The following CHRM2 variants were observed in gnomAD, a reference collection of about 807,000 sequenced individuals.
CHRM2 encodes muscarinic acetylcholine receptor M2.
Under a neutral mutation model 25.0 loss-of-function variants are expected in CHRM2, and 8 were observed. The ratio of observed to expected loss-of-function variants is 0.32; its 90% CI spans 0.19 to 0.58. The LOEUF (loss-of-function observed/expected upper bound fraction) is 0.58. Ranked by LOEUF, CHRM2 falls within the 20% of genes least tolerant of loss-of-function variation. CHRM2 has a pLI of 0.88. For synonymous variants in CHRM2, 202 were observed against 205.7 expected, an observed-to-expected ratio of 0.98 and a Z score of 0.15; for missense variants, 440 against 567.1, an observed-to-expected ratio of 0.78 and a Z score of 2.28.
intron 2 of CHRM2, among the ~76,000 whole-genome samples, chr7:136,954,239 T>G (rs1032627918): frequency 6.6e-6 from 1 of 152,200 alleles, no homozygotes; most frequent in Non-Finnish European, 1.5e-5. Flanking sequence ...TATATATGTG[T>G]GTATTTTTCC....
At chr7:136,988,749 C>A (rs976448583) in intron 2 of CHRM2, among the ~76,000 whole-genome samples, 2 of 152,092 alleles carry the variant, frequency 1.3e-5, no homozygotes, top group African/African-American at 4.8e-5. Context: ...CCAAGTGCAT[C>A]TAGATGGTGA....
chr7:136,873,805 A>G (rs35784011), intron 2 of CHRM2, among the ~76,000 whole-genome samples: 19,975 of 152,142 alleles, frequency 0.13, 1,453 homozygotes, highest in Non-Finnish European at 0.17. Flanking sequence ...TTTTTGTTAG[A>G]TCCTCCAAAC....
chr7:136,936,775 T>C (rs1410085282), intron 2 of CHRM2, among the ~76,000 whole-genome samples: 1 of 152,204 alleles, frequency 6.6e-6, no homozygotes, highest in African/African-American at 2.4e-5. Flanking sequence ...TTCAAATATT[T>C]TCAACATTTT....
rs1476407215 is a variant in CHRM2, at chr7:136,868,707, A to G, written c.-568A>G. On this transcript the variant is annotated 5_prime_UTR_variant, in exon 1 of 4. Coordinates refer to ENST00000680005, the MANE Select transcript of CHRM2 (RefSeq NM_001006630.2). ...TACAGACACGCTCTCCTGCTGTACT[A>G]AAGGCGCCAGGGCGCAAAGACCTAG... The G allele has an allele frequency of 1.3e-5, 2 of 152,426 alleles. No individual in the cohort carries two copies. The highest frequency in any genetic ancestry group is 1.3e-4 in the Admixed American group (2 of 15,268). The allele number at this position is 152,426 out of a possible 1,614,324, so 9.4% of individuals were successfully genotyped here. A position where few individuals can be genotyped will look rare whatever the true frequency, so the allele number is the denominator to read the frequency against.
At position 136,950,783 on chromosome 7, in the gene CHRM2, CTGTTGT is replaced by C. The variant is rs200954535; in HGVS notation, c.-124-41363_-124-41358del. Among the ~76,000 whole-genome samples the C allele has an allele frequency of 2.4e-3, 365 of 149,778 alleles. 2 individuals carry two copies. The highest frequency in any genetic ancestry group is 5.7e-3 in the African/African-American group (233 of 40,938). ...TTACAGAATAGCATGAACCCCCAACCTGTTGTTGTTGTTGTTGTTGTTGTTGTTGTT... is the reference window on the plus strand; with the variant it reads ...TTACAGAATAGCATGAACCCCCAACCTGTTGTTGTTGTTGTTGTTGTTGTT... On this transcript the variant is annotated intron_variant, in intron 2 of 3. Coordinates refer to ENST00000680005, the MANE Select transcript of CHRM2 (RefSeq NM_001006630.2).
At chr7:136,914,553 T>C (rs1160076625) in intron 2 of CHRM2, among the ~76,000 whole-genome samples, 1 of 151,824 alleles carries the variant, frequency 6.6e-6, no homozygotes, top group Non-Finnish European at 1.5e-5. Context: ...CCCTTTAAAA[T>C]AAGGCAGTAT....
At chr7:136,885,504 G>GTA (rs1796428579) in intron 2 of CHRM2, among the ~76,000 whole-genome samples, 1 of 152,144 alleles carries the variant, frequency 6.6e-6, no homozygotes, top group South Asian at 2.1e-4. Flanking sequence ...TCCCCCTGCA[G>GTA]TATTCAGTCA....
At chr7:136,984,836 C>T (rs1802738556) in intron 2 of CHRM2, among the ~76,000 whole-genome samples, 1 of 151,926 alleles carries the variant, frequency 6.6e-6, no homozygotes, top group African/African-American at 2.4e-5. Flanking sequence ...GCAGAAATCA[C>T]CTGCCTTCTG....
intron 2 of CHRM2, among the ~76,000 whole-genome samples, chr7:136,872,909 C>G (rs1795896515): frequency 6.6e-6 from 1 of 152,108 alleles, no homozygotes; most frequent in South Asian, 2.1e-4. Flanking sequence ...GTGAGCGAAC[C>G]CTTTCTATTA....
intron 2 of CHRM2, among the ~76,000 whole-genome samples, chr7:136,971,367 G>A (rs2130931077): frequency 6.6e-6 from 1 of 152,172 alleles, no homozygotes; most frequent in East Asian, 1.9e-4. Flanking sequence ...TGCAATCCCA[G>A]CACTTTGGGA....
intron 2 of CHRM2, among the ~76,000 whole-genome samples, chr7:136,876,253 AT>A (rs1796048260): frequency 6.6e-6 from 1 of 152,204 alleles, no homozygotes; most frequent in Non-Finnish European, 1.5e-5. Flanking sequence ...GAGTTAACTT[AT>A]AAAAATGCTA....
At chr7:136,898,172 T>C (rs891417160) in intron 2 of CHRM2, among the ~76,000 whole-genome samples, 5 of 152,168 alleles carry the variant, frequency 3.3e-5, no homozygotes, top group Non-Finnish European at 5.9e-5. Flanking sequence ...AAAATAGTTT[T>C]ATGTATTTCT....
rs900468681 is a variant in CHRM2, at chr7:137,017,580, T to G, written c.*1314T>G. 6.6e-6 allele frequency: 1 copy of G among 152,012 alleles called. No homozygotes were observed. The highest frequency in any genetic ancestry group is 2.4e-5 in the African/African-American group (1 of 41,434). 9.4% of individuals were successfully genotyped at this position (152,012 alleles called of 1,614,324 possible). On this transcript the variant is annotated 3_prime_UTR_variant, in exon 4 of 4. Coordinates refer to ENST00000680005, the MANE Select transcript of CHRM2 (RefSeq NM_001006630.2). ...GGGGAAAAAACGATATTTTAAAAAC[T>G]ATTACTGAAACAATTACATATTCCA...
intron 2 of CHRM2, among the ~76,000 whole-genome samples, chr7:136,884,567 A>G (rs564453508): frequency 6.6e-6 from 1 of 151,162 alleles, no homozygotes; most frequent in South Asian, 2.1e-4. Flanking sequence ...TGGTGAGTTG[A>G]GGAACTGGTG....
chr7:136,960,001 C>T (rs1447814823), intron 2 of CHRM2, among the ~76,000 whole-genome samples: 2 of 152,152 alleles, frequency 1.3e-5, no homozygotes, highest in Non-Finnish European at 2.9e-5. Flanking sequence ...TCATACAGTG[C>T]AAGTACTATC....
intron 2 of CHRM2, among the ~76,000 whole-genome samples, chr7:136,963,562 T>C (rs1192764356): frequency 2.0e-5 from 3 of 152,190 alleles, no homozygotes; most frequent in African/African-American, 7.2e-5. Context: ...AGGAAGAATA[T>C]GCTGAAATTA....
chr7:136,921,790 C>CTTTTTT (rs201063228), intron 2 of CHRM2, among the ~76,000 whole-genome samples: 1 of 113,990 alleles, frequency 8.8e-6, no homozygotes, highest in African/African-American at 2.7e-5. Flanking sequence ...TTCTTTCTTT[C>CTTTTTT]TTTCTTTTTT....
chr7:136,884,465 A>G (rs1445361237), intron 2 of CHRM2, among the ~76,000 whole-genome samples: 3 of 150,938 alleles, frequency 2.0e-5, no homozygotes, highest in African/African-American at 7.3e-5. Flanking sequence ...TTTGCCACAA[A>G]TGTTTTCAAA....
At chr7:136,966,115 A>G (rs1475254645) in intron 2 of CHRM2, among the ~76,000 whole-genome samples, 4 of 151,892 alleles carry the variant, frequency 2.6e-5, no homozygotes, top group Admixed American at 2.6e-4. Flanking sequence ...GATGCCCAAA[A>G]AGGGGAAGTT....
Sources: allele counts gnomAD v4.1 joint callset (sites outside exome capture counted in the v4.1 genomes callset), GRCh38; gene constraint gnomAD v4.1.1; transcripts MANE v1.5; gene names NCBI Gene and HGNC (gene_info 2026-07-23, HGNC 2026-07-21).